DCDC1: variants seen among roughly 807,000 people sequenced by gnomAD.
The protein encoded by DCDC1 is doublecortin domain-containing protein 1.
DCDC1 carries 200 observed loss-of-function variants against 178.3 expected under a neutral mutation model. The observed-to-expected ratio is 1.12, with a 90% CI of 1.00 to 1.26. DCDC1 has a LOEUF of 1.26. Ranked by LOEUF, DCDC1 falls within the 50% of genes most tolerant of loss-of-function variation. The pLI, the probability that DCDC1 is intolerant of heterozygous loss-of-function variation, is 0.00. For synonymous variants in DCDC1, 690 were observed against 604.8 expected (o/e 1.14, Z -2.07); for missense variants, 1,983 against 1,749.2 (o/e 1.13, Z -2.38).
chr11:31,237,561 TTATATAAACCTCAACAAAC>T (rs1012553135), intron 9 of DCDC1, among the ~76,000 whole-genome samples: 9 of 151,828 alleles, frequency 5.9e-5, no homozygotes, highest in African/African-American at 1.9e-4. Flanking sequence ...GGGCCAAAAA[TTATATAAACCTCAACAAAC>T]TTTATTAAGT....
chr11:31,076,713 T>C (rs1366442853), intron 18 of DCDC1, among the ~76,000 whole-genome samples: 2 of 152,204 alleles, frequency 1.3e-5, no homozygotes, highest in African/African-American at 4.8e-5. Context: ...TTTGGATTTC[T>C]GTATTGGTTT....
At chr11:31,107,517 A>T (rs533670378) in intron 12 of DCDC1, among the ~76,000 whole-genome samples, 1 of 152,284 alleles carries the variant, frequency 6.6e-6, no homozygotes, top group East Asian at 1.9e-4. Flanking sequence ...CATCTTCAAT[A>T]ATGAATGTTT....
rs117162403 is a variant in DCDC1, at chr11:31,032,527, A to G, written c.2591+31942T>C. On this transcript the variant is annotated intron_variant, in intron 20 of 38. Coordinates refer to ENST00000684477, the MANE Select transcript of DCDC1 (RefSeq NM_001387274.1). ...CTCAGATACATAATTGTATTATACA[A>G]TTATGATACATACATACATATGCCT... 3.6e-3 allele frequency among the ~76,000 whole-genome samples: 547 copies of G among 152,138 alleles called. 2 individuals are homozygous for G. Among genetic ancestry groups the G allele is most frequent in the Admixed American group, 7.5e-3 (114 of 15,284 alleles).
At chr11:30,883,462 G>C (rs1327206279) in intron 36 of DCDC1, 1 of 459,860 alleles carries the variant, frequency 2.2e-6, no homozygotes, top group Admixed American at 2.5e-5. Flanking sequence ...TCAAAAAATA[G>C]AAGAAAACTT....
At chr11:30,963,204 A>G (rs1949221020) in intron 20 of DCDC1, among the ~76,000 whole-genome samples, 1 of 152,176 alleles carries the variant, frequency 6.6e-6, no homozygotes, top group Admixed American at 6.6e-5. Flanking sequence ...TGCCATTTCA[A>G]GAAACCAAGG....
chr11:31,271,582 A>G (rs1406342754), intron 7 of DCDC1, among the ~76,000 whole-genome samples: 1 of 152,206 alleles, frequency 6.6e-6, no homozygotes, highest in East Asian at 1.9e-4. Flanking sequence ...CTTTACTGAA[A>G]TAATTCTCAC....
chr11:31,076,814 C>G (rs1276383576), intron 18 of DCDC1, among the ~76,000 whole-genome samples: 1 of 152,018 alleles, frequency 6.6e-6, no homozygotes, highest in Non-Finnish European at 1.5e-5. Flanking sequence ...AGTGTGAGAT[C>G]CAGGGCTTGG....
intron 20 of DCDC1, among the ~76,000 whole-genome samples, chr11:30,953,772 A>G (rs1387359010): frequency 3.9e-5 from 6 of 152,100 alleles, no homozygotes; most frequent in Non-Finnish European, 8.8e-5. Context: ...TATTCAAACA[A>G]TACTTGTGCA....
At chr11:31,193,843 T>A (rs914421396) in intron 9 of DCDC1, among the ~76,000 whole-genome samples, 1 of 152,082 alleles carries the variant, frequency 6.6e-6, no homozygotes, top group East Asian at 1.9e-4. Context: ...TGGGTCAAAA[T>A]GTTTTGCCTA....
intron 31 of DCDC1, 198 bp downstream of exon 31, chr11:30,904,763 T>G: frequency 1.6e-6 from 1 of 637,510 alleles, no homozygotes; most frequent in East Asian, 2.8e-5. Context: ...TGGTTTCTAG[T>G]TTTTCTAAGT....
At chr11:30,959,356 C>T (rs1464952680) in intron 20 of DCDC1, among the ~76,000 whole-genome samples, 1 of 152,052 alleles carries the variant, frequency 6.6e-6, no homozygotes, top group East Asian at 1.9e-4. Flanking sequence ...GTTTACGTGC[C>T]TCTCCAAATT....
Position 31,092,468 on chromosome 11 carries a change from T to C in DCDC1, c.2119-957A>G, listed in dbSNP as rs567143829. On this transcript the variant is annotated intron_variant, in intron 16 of 38. Coordinates refer to ENST00000684477, the MANE Select transcript of DCDC1 (RefSeq NM_001387274.1). ...AGACACCATGCTTGAACATCACATA[T>C]GCTTTCTCATTTCATCTTCACAGCA... is the stretch of plus-strand genomic sequence containing the variant. Among the ~76,000 whole-genome samples the C allele has an allele frequency of 5.3e-5, 8 of 152,328 alleles. No individual in the cohort carries two copies. The East Asian group carries it at 1.4e-3, about 26-fold the overall frequency.
intron 11 of DCDC1, among the ~76,000 whole-genome samples, chr11:31,111,570 C>A (rs888127155): frequency 1.3e-5 from 2 of 152,036 alleles, no homozygotes; most frequent in Non-Finnish European, 2.9e-5. Flanking sequence ...AGTAAAGATA[C>A]AATTCTGAGT....
chr11:30,910,184 G>A (rs373924512), intron 28 of DCDC1, among the ~76,000 whole-genome samples: 1 of 152,060 alleles, frequency 6.6e-6, no homozygotes, highest in Non-Finnish European at 1.5e-5. Flanking sequence ...CGCAACACCA[G>A]CAACAAAAAA....
intron 20 of DCDC1, among the ~76,000 whole-genome samples, chr11:31,000,471 C>A (rs542077034): frequency 6.6e-6 from 1 of 152,062 alleles, no homozygotes; most frequent in Non-Finnish European, 1.5e-5. Flanking sequence ...AATTTCAGAG[C>A]CCTTTTCTGT....
At chr11:31,173,210 CTGA>C (rs1207528726) in intron 9 of DCDC1, among the ~76,000 whole-genome samples, 2 of 152,016 alleles carry the variant, frequency 1.3e-5, no homozygotes, top group African/African-American at 2.4e-5. Context: ...TAAATTTACT[CTGA>C]TAAGATACAA....
At chr11:30,981,983 A>G (rs1038087898) in intron 20 of DCDC1, among the ~76,000 whole-genome samples, 2 of 152,174 alleles carry the variant, frequency 1.3e-5, no homozygotes, top group African/African-American at 4.8e-5. Flanking sequence ...TTTTAGAGTG[A>G]AAATGTAATT....
chr11:30,917,016 T>TTTTTTTTTTTTTTTTTTTTTTTAAG lies in DCDC1; in HGVS notation c.3305_3306insCTTAAAAAAAAAAAAAAAAAAAAAA (p.Arg1103LeufsTer31), dbSNP rs1945889501. 6.2e-7 allele frequency: 1 copy of TTTTTTTTTTTTTTTTTTTTTTTAAG among 1,600,424 alleles called. No homozygotes were observed. The highest frequency in any genetic ancestry group is 1.2e-5 in the South Asian group (1 of 86,596). On this transcript the variant is annotated frameshift_variant, in exon 26 of 39. Coordinates refer to ENST00000684477, the MANE Select transcript of DCDC1 (RefSeq NM_001387274.1). LOFTEE classifies it high-confidence loss of function. ...AAGCCTTCATTCGAAGATGAGCTCTTACGTGTGAATCTCTATCAAGGTTCA... is the reference window on the plus strand; with the variant it reads ...AAGCCTTCATTCGAAGATGAGCTCTTTTTTTTTTTTTTTTTTTTTTTTAAGACGTGTGAATCTCTATCAAGGTTCA...
At chr11:30,968,711 T>TATATATATATATATATATATATA (rs1949594817) in intron 20 of DCDC1, among the ~76,000 whole-genome samples, 3 of 61,052 alleles carry the variant, frequency 4.9e-5, no homozygotes, top group Non-Finnish European at 9.4e-5. Context: ...ATATATCAAA[T>TATATATATATATATATATATATA]TATATATATA....
Sources: gnomAD v4.1 joint callset for allele counts (sites outside exome capture counted in the v4.1 genomes callset) on GRCh38, gnomAD v4.1.1 for gene constraint, MANE v1.5 for transcripts, NCBI Gene and HGNC (gene_info 2026-07-23, HGNC 2026-07-21) for gene names.